The following PKHD1L1 variants were observed in gnomAD, a reference collection of about 807,000 sequenced individuals.
The protein encoded by PKHD1L1 is fibrocystin-L.
A neutral mutation model predicts 462.9 loss-of-function variants in PKHD1L1; 434 were observed. That is an observed-to-expected ratio of 0.94 (90% CI 0.87 to 1.02). The LOEUF (loss-of-function observed/expected upper bound fraction) is 1.02. PKHD1L1 is among the 50% of genes least tolerant of loss of function. PKHD1L1 has a pLI of 0.00. For missense variants in PKHD1L1, 5,202 were observed against 5,096.1 expected (o/e 1.02, Z -0.63); for synonymous variants, 1,781 against 1,750.0 (o/e 1.02, Z -0.44).
intron 21 of PKHD1L1, among the ~76,000 whole-genome samples, chr8:109,413,953 A>G (rs1813994314): frequency 6.6e-6 from 1 of 152,150 alleles, no homozygotes; most frequent in African/African-American, 2.4e-5. Context: ...AGAGATTTTG[A>G]AATAATGCTT....
chr8:109,452,060 T>C, intron 41 of PKHD1L1, 64 bp from the exon 42 acceptor site: 1 of 1,466,614 alleles, frequency 6.8e-7, no homozygotes, highest in Non-Finnish European at 9.2e-7. Context: ...AATAAAAGGG[T>C]TTGACAGTGT....
At chr8:109,493,778 A>T in intron 63 of PKHD1L1, 27 bp downstream of exon 63, 1 of 1,429,608 alleles carries the variant, frequency 7.0e-7, no homozygotes, top group Non-Finnish European at 9.7e-7. Flanking sequence ...AGGAATCGCT[A>T]AAACTAGGAA....
chr8:109,443,576 T>C lies in PKHD1L1; in HGVS notation c.4565-100T>C, dbSNP rs912743312. 3 of 976,962 alleles carry C rather than the reference T, an allele frequency of 3.1e-6. No homozygotes were observed. The South Asian group carries it at 5.2e-5, about 17-fold the overall frequency. 60.5% of individuals were successfully genotyped at this position (976,962 alleles called of 1,614,324 possible). A position where few individuals can be genotyped will look rare whatever the true frequency, so the allele number is the denominator to read the frequency against. ...GTTTTTCAAAAAAGATTTACCAGAA[T>C]TTAAACCATCATCATCAAAATAAAG... On this transcript the variant is annotated intron_variant, in intron 36 of 77. Coordinates refer to ENST00000378402, the MANE Select transcript of PKHD1L1 (RefSeq NM_177531.6).
chr8:109,475,353 C>T (rs968239870), intron 51 of PKHD1L1, 84 bp downstream of exon 51: 5 of 1,119,684 alleles, frequency 4.5e-6, no homozygotes, highest in Non-Finnish European at 6.1e-6. Context: ...CAGACATTGT[C>T]AGGCCAGAGG....
Position 109,445,628 on chromosome 8 carries a change from G to A in PKHD1L1, c.5759G>A (p.Gly1920Glu). ...YALEDTPFLR[G>E]IIPSRGPPGT... ...CTGGAGGATACTCCATTTCTCAGAG[G>A]AATTATCCCAAGCAGAGGTACTCCA... The change falls in exon 38 of 78, where the codon GGA (glycine) becomes GAA (glutamate). Residue 1920 changes from glycine (G) to glutamate (E), a missense_variant. Transcript: ENST00000378402. 1 of 1,607,108 alleles carries A rather than the reference G, an allele frequency of 6.2e-7. No individual in the cohort carries two copies. Among genetic ancestry groups the A allele is most frequent in the Non-Finnish European group, 8.5e-7 (1 of 1,175,278 alleles).
At chr8:109,412,449 G>A in intron 20 of PKHD1L1, 35 bp downstream of exon 20, 1 of 1,522,852 alleles carries the variant, frequency 6.6e-7, no homozygotes, top group Non-Finnish European at 8.8e-7. Context: ...AATTGAATCT[G>A]GAAAATACCT....
chr8:109,403,678 G>A (rs947944455), intron 14 of PKHD1L1, among the ~76,000 whole-genome samples: 5 of 152,090 alleles, frequency 3.3e-5, no homozygotes, highest in South Asian at 2.1e-4. Context: ...CCAAATATCA[G>A]TTCCATTGGG....
chr8:109,426,841 C>G (rs531457427), intron 24 of PKHD1L1, among the ~76,000 whole-genome samples, 161 bp from the exon 25 acceptor site: 1 of 152,064 alleles, frequency 6.6e-6, no homozygotes, highest in Non-Finnish European at 1.5e-5. Flanking sequence ...TTAGTAGAGA[C>G]GGGGTTTTAC....
rs191139176 is a variant in PKHD1L1 at position 109,412,199 on chromosome 8, G to A, written c.2086-66G>A. The A allele has an allele frequency of 5.4e-3, 8,335 of 1,554,812 alleles. 46 individuals are homozygous for A. The highest frequency in any genetic ancestry group is 0.023 in the Middle Eastern group (136 of 5,868). Reference sequence around the variant, plus strand: ...GGGTTGAACCTTGAGTGGTTTGGGTGCACACGTTGGGGGAAAACCAGAACA... The same window carrying A: ...GGGTTGAACCTTGAGTGGTTTGGGTACACACGTTGGGGGAAAACCAGAACA... On this transcript the variant is annotated intron_variant, in intron 19 of 77. Transcript: ENST00000378402.
intron 55 of PKHD1L1, chr8:109,480,720 G>C (rs1026437): frequency 0.41 from 167,383 of 406,344 alleles, 35,746 homozygotes; most frequent in South Asian, 0.57. Context: ...CTATTAAGCA[G>C]CATTAAAATA....
At chr8:109,453,262 G>T (rs1462235778) in intron 43 of PKHD1L1, among the ~76,000 whole-genome samples, 2 of 152,064 alleles carry the variant, frequency 1.3e-5, no homozygotes, top group Non-Finnish European at 2.9e-5. Context: ...TGATGTAGTG[G>T]GTCCCAGGAA....
chr8:109,501,329 C>T (rs1819403509), intron 67 of PKHD1L1, among the ~76,000 whole-genome samples: 2 of 152,078 alleles, frequency 1.3e-5, no homozygotes, highest in Admixed American at 6.6e-5. Flanking sequence ...CCTATTTTGT[C>T]GAACGTGAGT....
chr8:109,404,844 C>T (rs1813450651), intron 15 of PKHD1L1, 131 bp downstream of exon 15: 1 of 1,173,996 alleles, frequency 8.5e-7, no homozygotes, highest in Admixed American at 3.2e-5. Flanking sequence ...TAAATTATGA[C>T]TTTGAGTATT....
Position 109,483,104 on chromosome 8 carries a change from AG to A in PKHD1L1, c.9576+1del. ...TCTCTGATGGATGCTGTGGATTGGCAGGTAGACAAAATAATTATGTAATGGA... is the reference window on the plus strand; with the variant it reads ...TCTCTGATGGATGCTGTGGATTGGCAGTAGACAAAATAATTATGTAATGGA... ...VLSLMDAVDW[Q>X]EGEEIVITTT... On this transcript the variant is annotated frameshift_variant and splice_region_variant, in exon 57 of 78. Coordinates refer to ENST00000378402, the MANE Select transcript of PKHD1L1 (RefSeq NM_177531.6). LOFTEE classifies it high-confidence loss of function. 1 of 1,567,632 alleles carries A rather than the reference AG, an allele frequency of 6.4e-7. No homozygotes were observed. Among genetic ancestry groups the A allele is most frequent in the Non-Finnish European group, 8.6e-7 (1 of 1,156,296 alleles).
chr8:109,441,413 A>G (rs1815787955), intron 34 of PKHD1L1, 34 bp downstream of exon 34: 7 of 1,197,708 alleles, frequency 5.8e-6, no homozygotes, highest in South Asian at 5.7e-5. Flanking sequence ...AAATAATGGA[A>G]GCACTGAAAC....
intron 67 of PKHD1L1, 54 bp downstream of exon 67, chr8:109,498,825 T>C (rs1819260064): frequency 7.2e-7 from 1 of 1,396,302 alleles, no homozygotes; most frequent in Non-Finnish European, 9.9e-7. Context: ...AAAGAATATG[T>C]AGAGGATAAC....
Position 109,438,440 on chromosome 8 carries a change from A to C in PKHD1L1, c.3744A>C (p.Lys1248Asn). The C allele has an allele frequency of 6.5e-7, 1 of 1,541,422 alleles. No homozygotes were observed. Among genetic ancestry groups the C allele is most frequent in the Non-Finnish European group, 8.8e-7 (1 of 1,141,332 alleles). The change falls in exon 31 of 78, where the codon AAA becomes AAC. Residue 1248 changes from lysine (K) to asparagine (N), a missense_variant. Transcript: ENST00000378402. ...QTPIITDFSPKVRTILGEVNL... is the reference protein window; with the variant it reads ...QTPIITDFSPNVRTILGEVNL... ...CAATTATAACTGATTTTAGTCCAAA[A>C]GTACGAACAATACTAGGTAAGAAAT...
At chr8:109,388,676 T>C in intron 7 of PKHD1L1, 126 bp downstream of exon 7, 3 of 694,294 alleles carry the variant, frequency 4.3e-6, no homozygotes, top group Non-Finnish European at 7.2e-6. Flanking sequence ...ATTATAATAT[T>C]CCACATAGCG....
At chr8:109,471,941 ATACT>A (rs1563582385) in intron 50 of PKHD1L1, among the ~76,000 whole-genome samples, 2 of 152,204 alleles carry the variant, frequency 1.3e-5, no homozygotes, top group Non-Finnish European at 2.9e-5. Context: ...GGCTGTCCAC[ATACT>A]TAATTTACTT....
Sources: gnomAD v4.1 joint callset for allele counts (sites outside exome capture counted in the v4.1 genomes callset) on GRCh38, gnomAD v4.1.1 for gene constraint, MANE v1.5 for transcripts, NCBI Gene and HGNC (gene_info 2026-07-23, HGNC 2026-07-21) for gene names.